Variants in PDE3A observed in about 807,000 individuals in gnomAD.
PDE3A encodes cGMP-inhibited 3',5'-cyclic phosphodiesterase 3A.
Under a neutral mutation model 98.3 loss-of-function variants are expected in PDE3A, and 43 were observed. The observed-to-expected ratio is 0.44, with a 90% CI of 0.34 to 0.56. PDE3A has a LOEUF of 0.56. Among genes scored for constraint, PDE3A ranks in the 20% least tolerant of loss-of-function variants. The probability of loss-of-function intolerance (pLI) is 0.01; values close to 1 mark genes in which losing one functional copy is unlikely to be tolerated. For synonymous variants in PDE3A, 663 were observed against 567.9 expected (o/e 1.17, Z -2.38); for missense variants, 1,427 against 1,440.7 (o/e 0.99, Z 0.15).
intron 1 of PDE3A, among the ~76,000 whole-genome samples, chr12:20,391,411 T>TAC (rs1406098799): frequency 1.4e-5 from 2 of 147,908 alleles, no homozygotes; most frequent in Non-Finnish European, 3.0e-5. Flanking sequence ...ACATGCATTA[T>TAC]ACATATATAT....
intron 15 of PDE3A, among the ~76,000 whole-genome samples, chr12:20,676,935 A>C (rs557263605): frequency 6.6e-6 from 1 of 152,118 alleles, no homozygotes; most frequent in African/African-American, 2.4e-5. Flanking sequence ...TTCACCTATA[A>C]TTTTGTTAAA....
At chr12:20,586,941 T>C (rs1367473952) in intron 2 of PDE3A, among the ~76,000 whole-genome samples, 2 of 152,204 alleles carry the variant, frequency 1.3e-5, no homozygotes, top group Non-Finnish European at 2.9e-5. Flanking sequence ...AGTGGTCCAC[T>C]TGGTTGGCTT....
chr12:20,657,689 A>T (rs766320183), intron 15 of PDE3A, among the ~76,000 whole-genome samples: 1 of 152,172 alleles, frequency 6.6e-6, no homozygotes, highest in Non-Finnish European at 1.5e-5. Flanking sequence ...CATGTTTTAG[A>T]CCACCTGCAG....
At chr12:20,501,681 C>A (rs1453471680) in intron 1 of PDE3A, among the ~76,000 whole-genome samples, 1 of 151,978 alleles carries the variant, frequency 6.6e-6, no homozygotes, top group Non-Finnish European at 1.5e-5. Flanking sequence ...AAAAATGAAG[C>A]TATTTTTTAG....
intron 1 of PDE3A, among the ~76,000 whole-genome samples, chr12:20,512,596 T>G (rs1946247908): frequency 6.6e-6 from 1 of 152,126 alleles, no homozygotes; most frequent in Admixed American, 6.6e-5. Context: ...AAAGGTTCTA[T>G]GTGCTTATTT....
At chr12:20,529,640 T>C (rs1489492889) in intron 1 of PDE3A, among the ~76,000 whole-genome samples, 1 of 151,970 alleles carries the variant, frequency 6.6e-6, no homozygotes, top group African/African-American at 2.4e-5. Context: ...ACCCCAAGAA[T>C]TGCCAGCAAA....
At chr12:20,408,123 A>G (rs1944267689) in intron 1 of PDE3A, among the ~76,000 whole-genome samples, 1 of 151,832 alleles carries the variant, frequency 6.6e-6, no homozygotes, top group South Asian at 2.1e-4. Context: ...GTTTCACCTT[A>G]TTGGTCAGGC....
intron 2 of PDE3A, among the ~76,000 whole-genome samples, chr12:20,589,889 A>AT (rs1943293336): frequency 7.0e-6 from 1 of 142,114 alleles, no homozygotes; most frequent in African/African-American, 2.6e-5. Flanking sequence ...AAAAAAAAAA[A>AT]GAAAAAAAAT....
At chr12:20,385,389 C>T (rs946059598) in intron 1 of PDE3A, among the ~76,000 whole-genome samples, 22 of 151,976 alleles carry the variant, frequency 1.4e-4, no homozygotes, top group African/African-American at 4.1e-4. Flanking sequence ...GGCGATTCCT[C>T]AGGGATCTAG....
intron 1 of PDE3A, among the ~76,000 whole-genome samples, chr12:20,510,268 C>T (rs533292677): frequency 6.6e-6 from 1 of 152,062 alleles, no homozygotes; most frequent in Non-Finnish European, 1.5e-5. Context: ...AATTGCTATA[C>T]AAATTTGTCA....
chr12:20,615,016 C>CTCT (rs1943968821), intron 3 of PDE3A, among the ~76,000 whole-genome samples: 3 of 59,104 alleles, frequency 5.1e-5, no homozygotes, highest in Admixed American at 2.6e-4. Context: ...TTCTCTCTTT[C>CTCT]TTTTTTTTTT....
chr12:20,493,429 C>G (rs919811036), intron 1 of PDE3A, among the ~76,000 whole-genome samples: 1 of 151,906 alleles, frequency 6.6e-6, no homozygotes, highest in Non-Finnish European at 1.5e-5. Flanking sequence ...TTTAAGTAAT[C>G]CAGAGATGAT....
chr12:20,466,816 C>T (rs1290084717), intron 1 of PDE3A, among the ~76,000 whole-genome samples: 1 of 152,080 alleles, frequency 6.6e-6, no homozygotes, highest in Non-Finnish European at 1.5e-5. Context: ...TAGCCATCAC[C>T]GCCTGTCCCA....
intron 2 of PDE3A, among the ~76,000 whole-genome samples, chr12:20,605,340 A>G (rs771740719): frequency 1.3e-5 from 2 of 152,222 alleles, no homozygotes; most frequent in African/African-American, 2.4e-5. Context: ...AGGAAACAGC[A>G]TCAGTGACTC....
intron 1 of PDE3A, among the ~76,000 whole-genome samples, chr12:20,398,805 T>A (rs1944068074): frequency 2.6e-5 from 4 of 152,304 alleles, no homozygotes; most frequent in South Asian, 2.1e-4. Flanking sequence ...TGTATTTTTT[T>A]AAAATGTGGT....
intron 1 of PDE3A, among the ~76,000 whole-genome samples, chr12:20,531,541 A>G (rs1038805988): frequency 6.6e-6 from 1 of 152,056 alleles, no homozygotes; most frequent in African/African-American, 2.4e-5. Context: ...GATGGGTAAG[A>G]CGGTAGTTGT....
intron 2 of PDE3A, among the ~76,000 whole-genome samples, chr12:20,572,848 G>T (rs1942833931): frequency 6.6e-6 from 1 of 152,068 alleles, no homozygotes; most frequent in Non-Finnish European, 1.5e-5. Context: ...TGTATTTTAT[G>T]TTTTACTTAG....
chr12:20,615,478 G>A (rs562662402), intron 3 of PDE3A, among the ~76,000 whole-genome samples: 1 of 152,256 alleles, frequency 6.6e-6, no homozygotes, highest in South Asian at 2.1e-4. Context: ...ATTTGTGAAT[G>A]AAGATAATAA....
intron 5 of PDE3A, among the ~76,000 whole-genome samples, chr12:20,622,439 CT>C (rs1944160482): frequency 1.3e-5 from 2 of 152,070 alleles, no homozygotes; most frequent in Admixed American, 1.3e-4. Flanking sequence ...GCCTCGATAG[CT>C]TTTTTGTACC....
Sources: gnomAD v4.1 joint callset for allele counts (sites outside exome capture counted in the v4.1 genomes callset) on GRCh38, gnomAD v4.1.1 for gene constraint, MANE v1.5 for transcripts, NCBI Gene and HGNC (gene_info 2026-07-23, HGNC 2026-07-21) for gene names.